The following DMD variants were observed in gnomAD, a reference collection of about 807,000 sequenced individuals.
DMD encodes dystrophin.
A neutral mutation model predicts 330.1 loss-of-function variants in DMD; 63 were observed. That is an observed-to-expected ratio of 0.19 (90% CI 0.16 to 0.24). The LOEUF is 0.24. Ranked by LOEUF, DMD falls within the 10% of genes least tolerant of loss-of-function variation. DMD has a pLI of 1.00. For synonymous variants in DMD, 1,223 were observed against 959.8 expected, an observed-to-expected ratio of 1.27 and a Z score of -5.07; for missense variants, 3,344 against 2,684.1, an observed-to-expected ratio of 1.25 and a Z score of -5.43.
chrX:32,391,355 T>C (rs1449543081), intron 30 of DMD, among the ~76,000 whole-genome samples: 1 of 111,375 alleles, frequency 9.0e-6, no homozygotes, highest in African/African-American at 3.3e-5. Flanking sequence ...AACATCAGTT[T>C]TGCTTAGCAG....
chrX:32,906,737 A>G lies in DMD; in HGVS notation c.94-56917T>C, dbSNP rs775074098. 4.5e-5 allele frequency among the ~76,000 whole-genome samples: 5 copies of G among 111,626 alleles called. No homozygotes were observed. The South Asian group carries it at 1.9e-3, about 43-fold the overall frequency. On this transcript the variant is annotated intron_variant, in intron 2 of 78. Coordinates refer to ENST00000357033, the MANE Select transcript of DMD (RefSeq NM_004006.3). ...TCCAAATGCTGAAATTAGGATTTAT[A>G]GATGGGGTCAAGACTACATGAGAGA...
intron 62 of DMD, among the ~76,000 whole-genome samples, chrX:31,316,606 C>T (rs1158548609): frequency 9.0e-6 from 1 of 111,686 alleles, no homozygotes; most frequent in Non-Finnish European, 1.9e-5. Context: ...TATGGCACCC[C>T]TTTCACTCTC....
At chrX:33,036,124 A>AAG (rs761957290) in intron 1 of DMD, among the ~76,000 whole-genome samples, 49 of 110,893 alleles carry the variant, frequency 4.4e-4, no homozygotes, top group African/African-American at 1.5e-3. Context: ...AAGTTGAATA[A>AAG]AGAGAGCGAG....
At chrX:32,663,036 C>T (rs181937974) in intron 9 of DMD, among the ~76,000 whole-genome samples, 2 of 111,743 alleles carry the variant, frequency 1.8e-5, no homozygotes, top group South Asian at 3.7e-4. Context: ...TAATGCATTA[C>T]ATTTGTTGCC....
At chrX:32,570,503 T>C (rs886666773) in intron 15 of DMD, among the ~76,000 whole-genome samples, 3 of 112,112 alleles carry the variant, frequency 2.7e-5, no homozygotes, top group African/African-American at 9.7e-5. Context: ...CTAGCCAAGA[T>C]TTCTGCTCAC....
intron 6 of DMD, among the ~76,000 whole-genome samples, chrX:32,811,747 A>C (rs1434345104): frequency 8.9e-6 from 1 of 112,528 alleles, no homozygotes; most frequent in Non-Finnish European, 1.9e-5. Context: ...TCTAAATGTG[A>C]AAAAACACAG....
At chrX:32,933,153 A>C (rs2146714203) in intron 2 of DMD, among the ~76,000 whole-genome samples, 1 of 90,121 alleles carries the variant, frequency 1.1e-5, no homozygotes, top group South Asian at 6.4e-4. Flanking sequence ...TTTTTAAAAA[A>C]CAAATGGAAA....
intron 13 of DMD, among the ~76,000 whole-genome samples, chrX:32,578,224 C>G (rs1216800388): frequency 8.9e-6 from 1 of 112,153 alleles, no homozygotes; most frequent in Non-Finnish European, 1.9e-5. Context: ...AACTTCAACT[C>G]TGTTTCTCTG....
chrX:32,545,138 A>T (rs774474501), intron 17 of DMD, 21 bp downstream of exon 17: 156 of 1,201,274 alleles, frequency 1.3e-4, no homozygotes, highest in Non-Finnish European at 1.7e-4. Flanking sequence ...ATTTGCAGAT[A>T]AAAGCTTAAG....
At position 32,511,853 on chromosome X, in the gene DMD, T is replaced by C. The variant is rs375636181; in HGVS notation, c.2292+6155A>G. Among the ~76,000 whole-genome samples, 160 of 111,821 alleles carry C rather than the reference T, an allele frequency of 1.4e-3. 1 individual carries two copies. Among genetic ancestry groups the C allele is most frequent in the African/African-American group, 4.8e-3 (149 of 30,870 alleles). On this transcript the variant is annotated intron_variant, in intron 18 of 78. Transcript: ENST00000357033. ...TGCTATTAACATATAGAATACTAAA[T>C]ACTTTACTCAATATATGCTTAATAT...
intron 49 of DMD, among the ~76,000 whole-genome samples, chrX:31,831,724 G>A (rs945636146): frequency 3.6e-5 from 4 of 110,322 alleles, no homozygotes; most frequent in Non-Finnish European, 5.7e-5. Context: ...TCAGCCTCCC[G>A]AGTAGCTGGG....
At chrX:31,697,593 G>A (rs757938519) in intron 52 of DMD, among the ~76,000 whole-genome samples, 1 of 112,069 alleles carries the variant, frequency 8.9e-6, no homozygotes, top group South Asian at 3.7e-4. Flanking sequence ...TCAGTTGATT[G>A]AATACGAACC....
At chrX:32,478,739 C>G (rs147981736) in intron 21 of DMD, among the ~76,000 whole-genome samples, 115 of 111,748 alleles carry the variant, frequency 1.0e-3, no homozygotes, top group African/African-American at 3.4e-3. Context: ...TTAATTACTT[C>G]ACGCCTTTTT....
At chrX:32,070,578 G>A (rs1011169592) in intron 44 of DMD, among the ~76,000 whole-genome samples, 1 of 110,715 alleles carries the variant, frequency 9.0e-6, no homozygotes, top group African/African-American at 3.3e-5. Flanking sequence ...TAAAGAAACT[G>A]CGGTATATAT....
intron 1 of DMD, among the ~76,000 whole-genome samples, chrX:33,175,206 T>A (rs1186314700): frequency 1.8e-5 from 2 of 112,638 alleles, no homozygotes; most frequent in East Asian, 5.6e-4. Context: ...ATTGTAGTTT[T>A]TAACTTCTTG....
chrX:32,657,819 T>G, intron 9 of DMD, among the ~76,000 whole-genome samples: 1 of 111,898 alleles, frequency 8.9e-6, no homozygotes, highest in Admixed American at 9.6e-5. Context: ...TTTAACAATT[T>G]TATTAATTTT....
intron 62 of DMD, among the ~76,000 whole-genome samples, chrX:31,299,666 C>T (rs1253503824): frequency 3.7e-5 from 4 of 107,246 alleles, no homozygotes; most frequent in Non-Finnish European, 7.7e-5. Context: ...GTCCCAGCTA[C>T]TTGGGAGGCT....
chrX:32,592,178 A>AC (rs1340401697), intron 13 of DMD, among the ~76,000 whole-genome samples: 4 of 110,215 alleles, frequency 3.6e-5, no homozygotes, highest in African/African-American at 1.3e-4. Flanking sequence ...CCACAGAGAA[A>AC]CCCCTCCTTC....
At chrX:31,940,091 C>A (rs2094974353) in intron 45 of DMD, among the ~76,000 whole-genome samples, 1 of 111,007 alleles carries the variant, frequency 9.0e-6, no homozygotes, top group Non-Finnish European at 1.9e-5. Context: ...GAAGGGGAGG[C>A]AGACAGTAAA....
Sources: allele counts gnomAD v4.1 joint callset (sites outside exome capture counted in the v4.1 genomes callset), GRCh38; gene constraint gnomAD v4.1.1; transcripts MANE v1.5; gene names NCBI Gene and HGNC (gene_info 2026-07-23, HGNC 2026-07-21).